Variants in DCC observed in about 807,000 individuals in gnomAD.
DCC encodes the protein DCC netrin 1 receptor, also known as netrin receptor DCC.
Under a neutral mutation model 172.5 loss-of-function variants are expected in DCC, and 58 were observed. That is an observed-to-expected ratio of 0.34 (90% confidence interval 0.27 to 0.42). The LOEUF (loss-of-function observed/expected upper bound fraction) is 0.42, where lower values mean the gene tolerates loss of function less well. DCC is among the 10% of genes least tolerant of loss of function. The pLI is 1.00. For synonymous variants in DCC, 709 were observed against 644.5 expected (o/e 1.10, Z -1.52); for missense variants, 1,740 against 1,791.0 (o/e 0.97, Z 0.51).
At position 53,353,447 on chromosome 18, in the gene DCC, A is replaced by G. The variant is rs183633609; in HGVS notation, c.2359+13540A>G. On this transcript the variant is annotated intron_variant, in intron 15 of 28. Coordinates refer to ENST00000442544, the MANE Select transcript of DCC (RefSeq NM_005215.4). ...TAAATATCCTTTAAAGGTTAAAAAA[A>G]TAACGTATTGTCTAACTACACAGTT... Among the ~76,000 whole-genome samples, 584 of 152,268 alleles carry G rather than the reference A, an allele frequency of 3.8e-3. 1 individual carries two copies. The highest frequency in any genetic ancestry group is 0.014 in the Middle Eastern group (4 of 294).
chr18:52,772,056 G>A (rs1265479116), intron 2 of DCC, among the ~76,000 whole-genome samples: 1 of 151,602 alleles, frequency 6.6e-6, no homozygotes, highest in Non-Finnish European at 1.5e-5. Flanking sequence ...TTTTCCTAAT[G>A]TGGTTGTTTA....
intron 2 of DCC, among the ~76,000 whole-genome samples, chr18:52,904,355 A>G (rs2039850568): frequency 6.6e-6 from 1 of 152,166 alleles, no homozygotes; most frequent in African/African-American, 2.4e-5. Flanking sequence ...TATTTCATAG[A>G]TTCAGTTATT....
At chr18:53,090,732 A>AAAAAAAAAAAAAAATAAT (rs1568298492) in intron 7 of DCC, among the ~76,000 whole-genome samples, 1 of 129,078 alleles carries the variant, frequency 7.7e-6, no homozygotes, top group Non-Finnish European at 1.7e-5. Context: ...AAAAAAAAAA[A>AAAAAAAAAAAAAAATAAT]AAGAATGTAT....
chr18:52,820,212 T>C (rs1272816119), intron 2 of DCC, among the ~76,000 whole-genome samples: 1 of 152,118 alleles, frequency 6.6e-6, no homozygotes, highest in African/African-American at 2.4e-5. Context: ...GACCAAGTAT[T>C]TGTGGTGATT....
intron 15 of DCC, among the ~76,000 whole-genome samples, chr18:53,344,902 GAAAGA>G (rs1473623557): frequency 2.2e-4 from 32 of 148,590 alleles, no homozygotes; most frequent in African/African-American, 7.6e-4. Flanking sequence ...AAAAAAAAAG[GAAAGA>G]AAAGAAAAGA....
intron 1 of DCC, among the ~76,000 whole-genome samples, chr18:52,625,102 T>C (rs1291666764): frequency 6.6e-6 from 1 of 152,092 alleles, no homozygotes; most frequent in Non-Finnish European, 1.5e-5. Flanking sequence ...GTAACAGTGG[T>C]TTTTGCGTAT....
chr18:52,466,860 A>C (rs1988798750), intron 1 of DCC, among the ~76,000 whole-genome samples: 2 of 152,116 alleles, frequency 1.3e-5, no homozygotes, highest in South Asian at 4.1e-4. Context: ...CACTTGTTAC[A>C]ACTGCTATAA....
intron 7 of DCC, among the ~76,000 whole-genome samples, chr18:53,131,942 G>A (rs922954810): frequency 9.0e-6 from 1 of 111,516 alleles, no homozygotes; most frequent in Non-Finnish European, 1.8e-5. Flanking sequence ...TGGTATCATT[G>A]TCTCTAAGTG....
chr18:52,552,278 C>G (rs151078781), intron 1 of DCC, among the ~76,000 whole-genome samples: 2 of 151,952 alleles, frequency 1.3e-5, no homozygotes, highest in Non-Finnish European at 2.9e-5. Context: ...ATAGGCCATT[C>G]GAAGGACCTT....
At chr18:52,991,935 G>A (rs567381192) in intron 5 of DCC, among the ~76,000 whole-genome samples, 4 of 152,278 alleles carry the variant, frequency 2.6e-5, no homozygotes, top group African/African-American at 4.8e-5. Context: ...TTATTATAAC[G>A]CAAGGTGGGA....
chr18:53,090,121 A>T (rs2042981018), intron 7 of DCC, among the ~76,000 whole-genome samples: 1 of 152,214 alleles, frequency 6.6e-6, no homozygotes, highest in Non-Finnish European at 1.5e-5. Flanking sequence ...TTATTTTCTA[A>T]TGAAAGTCAT....
intron 8 of DCC, among the ~76,000 whole-genome samples, chr18:53,161,763 T>G (rs2054842833): frequency 1.3e-5 from 2 of 152,226 alleles, no homozygotes; most frequent in Non-Finnish European, 2.9e-5. Context: ...AAATAATTCA[T>G]AGCTCGTAGT....
At chr18:53,439,709 A>T (rs1912143849) in intron 22 of DCC, among the ~76,000 whole-genome samples, 1 of 152,082 alleles carries the variant, frequency 6.6e-6, no homozygotes, top group Non-Finnish European at 1.5e-5. Context: ...AGGCTTCCTA[A>T]ATTATTTTCT....
chr18:52,727,357 GA>G (rs2036566696), intron 1 of DCC, among the ~76,000 whole-genome samples: 1 of 152,138 alleles, frequency 6.6e-6, no homozygotes, highest in South Asian at 2.1e-4. Context: ...TAATAAATTA[GA>G]AAGTTTCCAA....
chr18:52,999,213 A>G (rs1324126043), intron 5 of DCC, among the ~76,000 whole-genome samples: 2 of 151,294 alleles, frequency 1.3e-5, no homozygotes, highest in South Asian at 2.1e-4. Flanking sequence ...TTTTTTTTGT[A>G]TTTTTATCTT....
At chr18:52,676,517 A>C (rs77984589) in intron 1 of DCC, among the ~76,000 whole-genome samples, 13,206 of 152,248 alleles carry the variant, frequency 0.087, 823 homozygotes, top group South Asian at 0.29. Flanking sequence ...TTTACAAACA[A>C]GTCCTAGCTC....
intron 7 of DCC, among the ~76,000 whole-genome samples, chr18:53,085,777 A>G (rs1013630999): frequency 3.3e-5 from 5 of 151,814 alleles, no homozygotes; most frequent in African/African-American, 1.2e-4. Context: ...AACTTAGACC[A>G]TACAAAGTTA....
intron 1 of DCC, among the ~76,000 whole-genome samples, chr18:52,596,185 C>T (rs967329399): frequency 6.6e-6 from 1 of 152,156 alleles, no homozygotes; most frequent in Non-Finnish European, 1.5e-5. Flanking sequence ...ATAGCGACCT[C>T]CTTTCAGGGC....
intron 2 of DCC, among the ~76,000 whole-genome samples, chr18:52,838,237 G>T (rs1422248979): frequency 6.6e-6 from 1 of 152,056 alleles, no homozygotes; most frequent in Non-Finnish European, 1.5e-5. Context: ...GGCTTTAGAG[G>T]GGGTATTATA....
Sources: gnomAD v4.1 joint callset for allele counts (sites outside exome capture counted in the v4.1 genomes callset) on GRCh38, gnomAD v4.1.1 for gene constraint, MANE v1.5 for transcripts, NCBI Gene and HGNC (gene_info 2026-07-23, HGNC 2026-07-21) for gene names.